The following NKAIN3 variants were observed in gnomAD, a reference collection of about 807,000 sequenced individuals.
NKAIN3 encodes sodium/potassium-transporting ATPase subunit beta-1-interacting protein 3.
Under a neutral mutation model 30.2 loss-of-function variants are expected in NKAIN3, and 25 were observed. That is an observed-to-expected ratio of 0.83 (90% CI 0.60 to 1.16). The LOEUF (loss-of-function observed/expected upper bound fraction) is 1.16. Ranked by LOEUF, NKAIN3 falls within the 50% of genes most tolerant of loss-of-function variation. The pLI is 0.00. For missense variants in NKAIN3, 225 were observed against 254.1 expected (o/e 0.89, Z 0.78); for synonymous variants, 91 against 89.6 (o/e 1.02, Z -0.09).
At chr8:62,885,597 A>C (rs1821122763) in intron 4 of NKAIN3, among the ~76,000 whole-genome samples, 1 of 152,206 alleles carries the variant, frequency 6.6e-6, no homozygotes, top group Non-Finnish European at 1.5e-5. Flanking sequence ...TCCAAGTACA[A>C]TAGTGGATTT....
chr8:62,902,779 C>A (rs1821651542), intron 4 of NKAIN3, among the ~76,000 whole-genome samples: 1 of 152,076 alleles, frequency 6.6e-6, no homozygotes, highest in South Asian at 2.1e-4. Flanking sequence ...CACATAATAC[C>A]ATTGAAGAAT....
At chr8:62,729,042 A>AACAAAC (rs1423316762) in intron 3 of NKAIN3, among the ~76,000 whole-genome samples, 25 of 127,600 alleles carry the variant, frequency 2.0e-4, no homozygotes, top group Admixed American at 6.1e-4. Flanking sequence ...AAAAAAAACA[A>AACAAAC]AAAAAAAAAA....
At chr8:62,842,559 T>C (rs1819565942) in intron 4 of NKAIN3, among the ~76,000 whole-genome samples, 1 of 152,066 alleles carries the variant, frequency 6.6e-6, no homozygotes, top group African/African-American at 2.4e-5. Flanking sequence ...CAAAGTAATC[T>C]TGAGCAAAAA....
chr8:62,897,727 C>T (rs1821476882), intron 4 of NKAIN3, among the ~76,000 whole-genome samples: 2 of 152,152 alleles, frequency 1.3e-5, no homozygotes, highest in African/African-American at 2.4e-5. Context: ...TAGACTAATG[C>T]TCTCCTTTGG....
At chr8:62,738,371 G>C (rs992807679) in intron 3 of NKAIN3, among the ~76,000 whole-genome samples, 2 of 152,130 alleles carry the variant, frequency 1.3e-5, no homozygotes, top group African/African-American at 4.8e-5. Flanking sequence ...AGGCTGAGGA[G>C]GGCAGATCAC....
chr8:62,719,753 C>CTTTTTTT (rs60637445), intron 3 of NKAIN3, among the ~76,000 whole-genome samples: 26 of 90,470 alleles, frequency 2.9e-4, no homozygotes, highest in African/African-American at 3.2e-4. Context: ...ACATTTCTTT[C>CTTTTTTT]TTTTTTTTTT....
intron 1 of NKAIN3, among the ~76,000 whole-genome samples, chr8:62,383,187 A>G (rs1052021745): frequency 3.3e-5 from 5 of 152,152 alleles, no homozygotes; most frequent in Non-Finnish European, 5.9e-5. Flanking sequence ...GCAGTCCCCT[A>G]CTGGCAAAGT....
intron 1 of NKAIN3, among the ~76,000 whole-genome samples, chr8:62,500,493 G>GAAGGAAAGAAAGAAAGAAGA (rs1554540149): frequency 1.1e-4 from 15 of 134,016 alleles, no homozygotes; most frequent in Middle Eastern, 3.6e-3. Flanking sequence ...AAGAAGAAAA[G>GAAGGAAAGAAAGAAAGAAGA]AAAGAAAGAA....
chr8:62,925,857 C>G (rs1396400094), intron 5 of NKAIN3, among the ~76,000 whole-genome samples: 1 of 152,126 alleles, frequency 6.6e-6, no homozygotes, highest in Non-Finnish European at 1.5e-5. Context: ...GTTACAGTAA[C>G]AAAGTCTGAT....
rs1195847083 is a variant in NKAIN3, at chr8:62,513,785, C to T, written c.55-65754C>T. 5.2e-5 allele frequency among the ~76,000 whole-genome samples: 7 copies of T among 134,742 alleles called. No homozygotes were observed. In the South Asian group the frequency reaches 1.4e-3, roughly 28 times the overall value. The allele number at this position is 134,742 out of a possible 152,430, so 88.4% of individuals were successfully genotyped here. ...ATTAGGGAGGCTGAGGTGGGAGTATCGTTTGACCCCAAGAGGTCAAGGCTG... is the reference window on the plus strand; with the variant it reads ...ATTAGGGAGGCTGAGGTGGGAGTATTGTTTGACCCCAAGAGGTCAAGGCTG... On this transcript the variant is annotated intron_variant, in intron 1 of 6. Coordinates refer to ENST00000623646, the MANE Select transcript of NKAIN3 (RefSeq NM_001304533.3).
chr8:62,999,321 G>A (rs990079637), exon 6 of NKAIN3: 1 of 152,296 alleles, frequency 6.6e-6, no homozygotes, highest in Non-Finnish European at 1.5e-5. Flanking sequence ...AGCGGGAGGA[G>A]GCACATCACA....
At chr8:62,857,690 T>C (rs1196121532) in intron 4 of NKAIN3, among the ~76,000 whole-genome samples, 1 of 152,226 alleles carries the variant, frequency 6.6e-6, no homozygotes, top group Non-Finnish European at 1.5e-5. Flanking sequence ...TGTTTTTCAG[T>C]TCTATCATGT....
intron 4 of NKAIN3, chr8:62,864,023 TC>T: frequency 1.4e-6 from 1 of 715,522 alleles, no homozygotes; most frequent in East Asian, 2.7e-5. Flanking sequence ...GTAGGGTGTT[TC>T]TCTCTTTTCG....
In NKAIN3 at chr8:62,974,793, T is replaced by TG. The variant is rs910989396; in HGVS notation, c.*9389dup. Among the ~76,000 whole-genome samples, 4 of 152,202 alleles carry TG rather than the reference T, an allele frequency of 2.6e-5. No homozygotes were observed. Among genetic ancestry groups the TG allele is most frequent in the Non-Finnish European group, 5.9e-5 (4 of 68,030 alleles). On this transcript the variant is annotated 3_prime_UTR_variant, in exon 7 of 7. Transcript: ENST00000623646. ...TGCCCATTCAGTGTGATATTGGCTG[T>TG]GGGTTTGTCATAACAGCTCTTATTA...
chr8:62,401,847 G>A lies in NKAIN3; in HGVS notation c.54+152720G>A, dbSNP rs73259270. 2.9e-3 allele frequency among the ~76,000 whole-genome samples: 437 copies of A among 152,272 alleles called. 2 individuals carry two copies. The highest frequency in any genetic ancestry group is 9.9e-3 in the African/African-American group (411 of 41,552). Reference sequence around the variant, plus strand: ...GGAAAGGCGGTGACACCATCATGGGGACTGCACCAAGTTAGGCCCAAAGCC... The same window carrying A: ...GGAAAGGCGGTGACACCATCATGGGAACTGCACCAAGTTAGGCCCAAAGCC... On this transcript the variant is annotated intron_variant, in intron 1 of 6. Coordinates refer to ENST00000623646, the MANE Select transcript of NKAIN3 (RefSeq NM_001304533.3).
At chr8:62,573,475 A>G (rs1456570558) in intron 1 of NKAIN3, among the ~76,000 whole-genome samples, 1 of 152,024 alleles carries the variant, frequency 6.6e-6, no homozygotes, top group Non-Finnish European at 1.5e-5. Flanking sequence ...TTCGTTATGT[A>G]TATGATTTGG....
At chr8:62,458,462 C>T (rs1805889428) in intron 1 of NKAIN3, among the ~76,000 whole-genome samples, 1 of 152,256 alleles carries the variant, frequency 6.6e-6, no homozygotes, top group South Asian at 2.1e-4. Context: ...ATAGATCCAA[C>T]CCTATGACAA....
intron 3 of NKAIN3, among the ~76,000 whole-genome samples, chr8:62,642,436 G>A (rs1812338950): frequency 6.6e-6 from 1 of 151,898 alleles, no homozygotes; most frequent in Non-Finnish European, 1.5e-5. Context: ...TTGTCTTTTA[G>A]GCTTCTGATT....
intron 1 of NKAIN3, among the ~76,000 whole-genome samples, chr8:62,574,226 T>G (rs1012485910): frequency 3.3e-5 from 5 of 152,144 alleles, no homozygotes; most frequent in Admixed American, 3.3e-4. Context: ...AGGATCTTAT[T>G]CTTTTTATGG....
Sources: gnomAD v4.1 joint callset for allele counts (sites outside exome capture counted in the v4.1 genomes callset) on GRCh38, gnomAD v4.1.1 for gene constraint, MANE v1.5 for transcripts, NCBI Gene and HGNC (gene_info 2026-07-23, HGNC 2026-07-21) for gene names.